The following RBFOX1 variants were observed in gnomAD, a reference collection of about 807,000 sequenced individuals.
RBFOX1 encodes RNA binding protein fox-1 homolog 1.
In RBFOX1, 8 loss-of-function variants were observed where a neutral mutation model predicts 57.7. The ratio of observed to expected loss-of-function variants is 0.14; its 90% CI spans 0.08 to 0.25. The LOEUF is 0.25. Among genes scored for constraint, RBFOX1 ranks in the 10% least tolerant of loss-of-function variants. The pLI, the probability that RBFOX1 is intolerant of heterozygous loss-of-function variation, is 1.00. For missense variants in RBFOX1, 611 were observed against 548.5 expected, an observed-to-expected ratio of 1.11 and a Z score of -1.14; for synonymous variants, 326 against 222.4, an observed-to-expected ratio of 1.47 and a Z score of -4.15.
intron 4 of RBFOX1, among the ~76,000 whole-genome samples, chr16:7,175,702 A>T (rs559314896): frequency 4.0e-4 from 61 of 152,262 alleles, no homozygotes; most frequent in African/African-American, 1.4e-3. Context: ...AAGCTTCCCG[A>T]GGTTACCTCT....
chr16:6,302,163 A>C (rs2078896403), intron 1 of RBFOX1, among the ~76,000 whole-genome samples: 1 of 152,018 alleles, frequency 6.6e-6, no homozygotes, highest in Admixed American at 6.6e-5. Flanking sequence ...ATTGCCCAAA[A>C]CACATTTGGA....
At chr16:6,843,179 A>G (rs978840393) in intron 3 of RBFOX1, among the ~76,000 whole-genome samples, 4 of 152,128 alleles carry the variant, frequency 2.6e-5, no homozygotes, top group Admixed American at 1.3e-4. Flanking sequence ...AAAGTTTTCT[A>G]TTAGAGTGGA....
chr16:5,709,469 C>T (rs2051371490), intron 3 of RBFOX1, among the ~76,000 whole-genome samples: 1 of 151,904 alleles, frequency 6.6e-6, no homozygotes, highest in South Asian at 2.1e-4. Flanking sequence ...CATTCATTTC[C>T]TTTCTCCTCC....
At chr16:7,614,721 A>G (rs1428422571) in intron 10 of RBFOX1, 2 of 152,168 alleles carry the variant, frequency 1.3e-5, no homozygotes, top group East Asian at 1.9e-4. Context: ...CCACATAGTG[A>G]GAAACTCAAA....
Position 7,358,392 on chromosome 16 carries a change from A to G in RBFOX1, c.28-159755A>G, listed in dbSNP as rs544282357. On this transcript the variant is annotated intron_variant, in intron 4 of 15. Coordinates refer to ENST00000550418, the MANE Select transcript of RBFOX1 (RefSeq NM_018723.4). ...TGCATTTTATTCAAGGAAAATTAAG[A>G]CTTAAGTATTTTTGTGTTTTTTGTT... 2.6e-5 allele frequency among the ~76,000 whole-genome samples: 4 copies of G among 152,046 alleles called. No individual in the cohort carries two copies. In the South Asian group the frequency reaches 8.3e-4, roughly 32 times the overall value.
chr16:7,014,579 G>A (rs1429027215), intron 3 of RBFOX1, among the ~76,000 whole-genome samples: 1 of 151,844 alleles, frequency 6.6e-6, no homozygotes, highest in African/African-American at 2.4e-5. Flanking sequence ...GTCTTAAACT[G>A]AATTTTAAAG....
chr16:6,967,334 C>A (rs1447872077), intron 3 of RBFOX1, among the ~76,000 whole-genome samples: 1 of 152,118 alleles, frequency 6.6e-6, no homozygotes, highest in Non-Finnish European at 1.5e-5. Flanking sequence ...CATCCATCTA[C>A]CAGCAGTGGG....
rs540827664 is a variant in RBFOX1 at position 6,607,448 on chromosome 16, C to G, written c.-63-47155C>G. On this transcript the variant is annotated intron_variant, in intron 2 of 15. Transcript: ENST00000550418. The stretch of plus-strand genomic sequence containing the variant: ...TCTCTCTCTCTCTCGCTCTCTATCT[C>G]TCTTCCTCTCTCTCTTCCTCCTCTG... Among the ~76,000 whole-genome samples the G allele has an allele frequency of 3.4e-5, 5 of 149,074 alleles. No homozygotes were observed. In the East Asian group the frequency reaches 9.8e-4, roughly 29 times the overall value.
intron 2 of RBFOX1, among the ~76,000 whole-genome samples, chr16:6,611,389 C>T (rs376809833): frequency 6.6e-6 from 1 of 152,170 alleles, no homozygotes; most frequent in South Asian, 2.1e-4. Context: ...TCAGGTGATC[C>T]ATCTGCCTCA....
intron 3 of RBFOX1, among the ~76,000 whole-genome samples, chr16:5,841,014 A>AC (rs765971849): frequency 1.3e-5 from 2 of 152,178 alleles, no homozygotes; most frequent in Non-Finnish European, 2.9e-5. Flanking sequence ...TGGAGAAATT[A>AC]CCTTGTGCTG....
intron 2 of RBFOX1, among the ~76,000 whole-genome samples, chr16:5,473,491 C>T (rs1288588102): frequency 6.6e-6 from 1 of 151,904 alleles, no homozygotes; most frequent in Non-Finnish European, 1.5e-5. Flanking sequence ...TTCCCAGTAC[C>T]TTGTGTAGTA....
chr16:6,862,258 C>G (rs1243853309), intron 3 of RBFOX1, among the ~76,000 whole-genome samples: 1 of 152,074 alleles, frequency 6.6e-6, no homozygotes, highest in Non-Finnish European at 1.5e-5. Flanking sequence ...AGTCCTAGGC[C>G]ACCTCCAGAG....
chr16:6,817,821 A>G (rs1022552339), intron 3 of RBFOX1, among the ~76,000 whole-genome samples: 6 of 152,166 alleles, frequency 3.9e-5, no homozygotes, highest in Non-Finnish European at 7.3e-5. Context: ...ATAACTCAAG[A>G]ATTCATGAAG....
chr16:7,188,824 T>C (rs1409630625), intron 4 of RBFOX1, among the ~76,000 whole-genome samples: 1 of 152,070 alleles, frequency 6.6e-6, no homozygotes, highest in East Asian at 1.9e-4. Context: ...TGACATTGAG[T>C]TGGCTGTTAA....
chr16:6,297,960 A>G (rs1435421905), intron 1 of RBFOX1, among the ~76,000 whole-genome samples: 2 of 152,186 alleles, frequency 1.3e-5, no homozygotes, highest in Admixed American at 6.5e-5. Context: ...CTATCCTTCA[A>G]TTCTGTGTGT....
At chr16:6,660,036 C>G (rs534398005) in intron 3 of RBFOX1, among the ~76,000 whole-genome samples, 1 of 151,898 alleles carries the variant, frequency 6.6e-6, no homozygotes, top group Non-Finnish European at 1.5e-5. Context: ...ACCACCATGG[C>G]CAACATAGTG....
At chr16:7,568,263 G>T (rs1602050593) in intron 5 of RBFOX1, among the ~76,000 whole-genome samples, 1 of 152,150 alleles carries the variant, frequency 6.6e-6, no homozygotes, top group East Asian at 1.9e-4. Context: ...TCTTGATTAT[G>T]TATTAAACAA....
At chr16:7,045,628 T>TA (rs956228618) in intron 3 of RBFOX1, among the ~76,000 whole-genome samples, 3 of 151,950 alleles carry the variant, frequency 2.0e-5, no homozygotes, top group African/African-American at 7.3e-5. Flanking sequence ...AGGCAGATGT[T>TA]AAAAATATTA....
chr16:6,176,428 G>T (rs1296660566), intron 1 of RBFOX1, among the ~76,000 whole-genome samples: 1 of 151,438 alleles, frequency 6.6e-6, no homozygotes, highest in Non-Finnish European at 1.5e-5. Flanking sequence ...CAAAGTGCTG[G>T]GATTACAGGC....
Sources: gnomAD v4.1 joint callset for allele counts (sites outside exome capture counted in the v4.1 genomes callset) on GRCh38, gnomAD v4.1.1 for gene constraint, MANE v1.5 for transcripts, NCBI Gene and HGNC (gene_info 2026-07-23, HGNC 2026-07-21) for gene names.